Variants in PDE11A observed in about 807,000 individuals in gnomAD.
The protein encoded by PDE11A is phosphodiesterase 11A.
PDE11A carries 100 observed loss-of-function variants against 100.5 expected under a neutral mutation model. The observed-to-expected ratio is 1.00, with a 90% CI of 0.85 to 1.18. The LOEUF (loss-of-function observed/expected upper bound fraction) is 1.18, where lower values mean the gene tolerates loss of function less well. Ranked by LOEUF, PDE11A falls within the 50% of genes most tolerant of loss-of-function variation. The probability of loss-of-function intolerance (pLI) is 0.00; values close to 1 mark genes in which losing one functional copy is unlikely to be tolerated. For synonymous variants in PDE11A, 381 were observed against 420.8 expected, an observed-to-expected ratio of 0.91 and a Z score of 1.16; for missense variants, 1,141 against 1,152.6, an observed-to-expected ratio of 0.99 and a Z score of 0.15.
chr2:177,937,206 T>C (rs2085285591), intron 2 of PDE11A, among the ~76,000 whole-genome samples: 1 of 152,002 alleles, frequency 6.6e-6, no homozygotes, highest in African/African-American at 2.4e-5. Flanking sequence ...AGTTGGATGA[T>C]ACACTATATG....
chr2:177,815,841 C>T (rs2083029453), intron 9 of PDE11A, among the ~76,000 whole-genome samples: 1 of 152,310 alleles, frequency 6.6e-6, no homozygotes, highest in South Asian at 2.1e-4. Flanking sequence ...CTTCTATATA[C>T]TTTTATCTTG....
At position 177,866,058 on chromosome 2, in the gene PDE11A, TATG is replaced by T. The variant is rs1341078086; in HGVS notation, c.1367+9798_1367+9800del. Among the ~76,000 whole-genome samples, 8 of 152,212 alleles carry T rather than the reference TATG, an allele frequency of 5.3e-5. No homozygotes were observed. The East Asian group carries it at 1.5e-3, about 29-fold the overall frequency. ...TAAAGATAAGAATAATTAGCATAAATATGATAATTACGCTGCCAAGTAAGATTA... is the reference window on the plus strand; with the variant it reads ...TAAAGATAAGAATAATTAGCATAAATATAATTACGCTGCCAAGTAAGATTA... On this transcript the variant is annotated intron_variant, in intron 5 of 19. Coordinates refer to ENST00000286063, the MANE Select transcript of PDE11A (RefSeq NM_016953.4).
At chr2:177,776,244 T>A (rs1258333010) in intron 9 of PDE11A, among the ~76,000 whole-genome samples, 3 of 152,188 alleles carry the variant, frequency 2.0e-5, no homozygotes, top group African/African-American at 7.2e-5. Flanking sequence ...TTTTCACTAT[T>A]TGTGTCATAT....
intron 1 of PDE11A, among the ~76,000 whole-genome samples, chr2:178,037,499 GAC>G (rs1187420124): frequency 6.6e-6 from 1 of 152,174 alleles, no homozygotes; most frequent in Non-Finnish European, 1.5e-5. Flanking sequence ...AATATCACTT[GAC>G]CCAGCAATCC....
chr2:177,740,522 C>A (rs2081856746), intron 10 of PDE11A, among the ~76,000 whole-genome samples: 1 of 152,196 alleles, frequency 6.6e-6, no homozygotes, highest in Non-Finnish European at 1.5e-5. Context: ...GCCTCCATAG[C>A]ACAGATGAAG....
chr2:177,755,340 C>G (rs1350041483), intron 10 of PDE11A, among the ~76,000 whole-genome samples: 1 of 152,228 alleles, frequency 6.6e-6, no homozygotes, highest in Non-Finnish European at 1.5e-5. Context: ...TGTGGAACCA[C>G]TTCAGCAGAC....
rs532458568 is a variant in PDE11A at position 177,774,476 on chromosome 2, T to A, written c.1738-5103A>T. 3.0e-4 allele frequency among the ~76,000 whole-genome samples: 45 copies of A among 152,338 alleles called. No individual in the cohort carries two copies. The South Asian group carries it at 8.7e-3, about 29-fold the overall frequency. ...GAGCACTCACTCCTATTTTGAAAAG[T>A]CTCCTTTCTGGGCTTCCATGACACC... On this transcript the variant is annotated intron_variant, in intron 9 of 19. Coordinates refer to ENST00000286063, the MANE Select transcript of PDE11A (RefSeq NM_016953.4).
intron 9 of PDE11A, among the ~76,000 whole-genome samples, chr2:177,801,573 A>G (rs1324219045): frequency 1.3e-5 from 2 of 152,172 alleles, no homozygotes; most frequent in Non-Finnish European, 2.9e-5. Context: ...TCAACAATCA[A>G]TGGAAAAGAA....
chr2:177,705,069 T>G (rs1000726836), intron 13 of PDE11A, among the ~76,000 whole-genome samples: 1 of 152,192 alleles, frequency 6.6e-6, no homozygotes, highest in African/African-American at 2.4e-5. Context: ...CTCGAACTCC[T>G]GACCTTGTGA....
At chr2:177,678,373 T>TA (rs2080811439) in intron 16 of PDE11A, among the ~76,000 whole-genome samples, 1 of 152,190 alleles carries the variant, frequency 6.6e-6, no homozygotes, top group Non-Finnish European at 1.5e-5. Context: ...AGAATTAACT[T>TA]ACATTACGTG....
chr2:178,092,365 T>C (rs1329106638), intron 2 of PDE11A: 1 of 152,162 alleles, frequency 6.6e-6, no homozygotes, highest in Non-Finnish European at 1.5e-5. Context: ...GATCAGTAGA[T>C]CACACACAAT....
chr2:177,728,315 T>G, intron 10 of PDE11A, 143 bp from the exon 11 acceptor site: 1 of 569,660 alleles, frequency 1.8e-6, no homozygotes, highest in South Asian at 1.5e-5. Flanking sequence ...AACTCTGAGC[T>G]GTAAATGTCT....
intron 1 of PDE11A, among the ~76,000 whole-genome samples, chr2:178,052,590 A>G (rs544951977): frequency 0.012 from 1,897 of 152,260 alleles, 18 homozygotes; most frequent in Non-Finnish European, 0.019. Context: ...TTTTTTGAAA[A>G]GATCAACAAA....
chr2:177,961,955 G>A (rs949843475), intron 2 of PDE11A, among the ~76,000 whole-genome samples: 1 of 150,648 alleles, frequency 6.6e-6, no homozygotes. Flanking sequence ...TACTCGGGAG[G>A]CTGAGGCATG....
chr2:177,989,550 A>T (rs2085978673), intron 2 of PDE11A, among the ~76,000 whole-genome samples: 1 of 152,200 alleles, frequency 6.6e-6, no homozygotes, highest in African/African-American at 2.4e-5. Flanking sequence ...TGCAATCCTA[A>T]CAGTTATACT....
At chr2:177,734,685 G>A (rs971431292) in intron 10 of PDE11A, among the ~76,000 whole-genome samples, 1 of 152,274 alleles carries the variant, frequency 6.6e-6, no homozygotes, top group Non-Finnish European at 1.5e-5. Context: ...CTCAGATTGA[G>A]CATTCTTTGT....
intron 9 of PDE11A, among the ~76,000 whole-genome samples, chr2:177,787,553 G>A (rs959786012): frequency 6.6e-5 from 10 of 151,790 alleles, no homozygotes; most frequent in African/African-American, 2.4e-4. Flanking sequence ...AACTTTAAAT[G>A]TAAATGGACT....
At chr2:177,805,494 TAAC>T (rs1428132855) in intron 9 of PDE11A, among the ~76,000 whole-genome samples, 2 of 152,116 alleles carry the variant, frequency 1.3e-5, no homozygotes, top group Non-Finnish European at 2.9e-5. Context: ...AAAGCACAGA[TAAC>T]AACATTAATT....
chr2:177,985,576 G>T (rs1295689315), intron 2 of PDE11A, among the ~76,000 whole-genome samples: 1 of 152,150 alleles, frequency 6.6e-6, no homozygotes, highest in East Asian at 1.9e-4. Context: ...TATATTTAGA[G>T]AAATTCATTA....
Sources: allele counts gnomAD v4.1 joint callset (sites outside exome capture counted in the v4.1 genomes callset), GRCh38; gene constraint gnomAD v4.1.1; transcripts MANE v1.5; gene names NCBI Gene and HGNC (gene_info 2026-07-23, HGNC 2026-07-21).